Variants in CEP170B observed in about 807,000 individuals in gnomAD.
CEP170B encodes the protein centrosomal protein 170B.
In CEP170B, 55 loss-of-function variants were observed where a neutral mutation model predicts 120.6. The ratio of observed to expected loss-of-function variants is 0.46; its 90% CI spans 0.37 to 0.57. The LOEUF is 0.57. CEP170B is among the 20% of genes least tolerant of loss of function. The pLI, the probability that CEP170B is intolerant of heterozygous loss-of-function variation, is 0.00. For synonymous variants in CEP170B, 1,033 were observed against 954.5 expected, an observed-to-expected ratio of 1.08 and a Z score of -1.52; for missense variants, 2,212 against 2,253.3, an observed-to-expected ratio of 0.98 and a Z score of 0.37.
In CEP170B at chr14:104,884,515, C is replaced by G. The variant is rs201146556; in HGVS notation, c.1736C>G (p.Thr579Arg). Residue 579 changes from threonine to arginine, a missense_variant, in exon 9 of 19, where the codon ACG (threonine) becomes AGG (arginine). Coordinates refer to ENST00000414716, the MANE Select transcript of CEP170B (RefSeq NM_001112726.3). ...TYTIETEAQD[T>R]EVEEARKMID... ...ACCATCGAGACCGAGGCGCAGGACA[C>G]GGAGGTGGAGGAGGCCCGGAAGATG... 1 of 1,564,324 alleles carries G rather than the reference C, an allele frequency of 6.4e-7. No individual in the cohort carries two copies. The highest frequency in any genetic ancestry group is 1.2e-5 in the South Asian group (1 of 84,854).
chr14:104,884,000 G>C lies in CEP170B; in HGVS notation c.1221G>C (p.Glu407Asp). 6.2e-7 allele frequency: 1 copy of C among 1,610,962 alleles called. No homozygotes were observed. Among genetic ancestry groups the C allele is most frequent in the South Asian group, 1.1e-5 (1 of 90,804 alleles). ...LLHNQQAFVI[E>D]FFDEDTPRKK... ...ATAACCAGCAGGCCTTTGTCATCGA[G>C]TTCTTCGACGAGGACACACCCCGAA... Residue 407 changes from glutamate to aspartate, a missense_variant, in exon 9 of 19, where the codon GAG becomes GAC. This residue lies in a region of CEP170B where 2,166 missense variants were observed against 2,166.7 expected (regional missense o/e 1.00). Transcript: ENST00000414716.
chr14:104,885,618 C>T (rs775974302), intron 10 of CEP170B, 76 bp downstream of exon 10: 12 of 1,487,428 alleles, frequency 8.1e-6, no homozygotes, highest in African/African-American at 1.4e-5. Flanking sequence ...CTGGGGTCAG[C>T]GGGCCCCCCA....
rs371162524 is a variant in CEP170B at position 104,887,358 on chromosome 14, C to T, written c.3119C>T (p.Ser1040Phe). ...AIRRGHRPRG[S>F]LDWPSEERGP... The stretch of plus-strand genomic sequence containing the variant: ...AGGCGTGGCCACAGGCCCCGAGGGT[C>T]CCTGGATTGGCCCAGTGAGGAGCGT... The change falls in exon 12 of 19, where the codon TCC (serine) becomes TTC (phenylalanine). Residue 1040 changes from serine to phenylalanine, a missense_variant. Ser to Phe is a radical substitution (Grantham distance 155). This residue lies in a region of CEP170B where 2,166 missense variants were observed against 2,166.7 expected (regional missense o/e 1.00). Transcript: ENST00000414716. 137 of 1,611,834 alleles carry T rather than the reference C, an allele frequency of 8.5e-5. No individual in the cohort carries two copies. The highest frequency in any genetic ancestry group is 1.1e-4 in the Non-Finnish European group (134 of 1,179,600).
intron 2 of CEP170B, among the ~76,000 whole-genome samples, chr14:104,869,449 C>T (rs1448847668): frequency 1.3e-5 from 2 of 152,208 alleles, no homozygotes; most frequent in Admixed American, 6.5e-5. Flanking sequence ...GGTGGGCAGG[C>T]CTCAGGCTGT....
chr14:104,877,831 CAGCCA>C, intron 3 of CEP170B, 49 bp from the exon 4 acceptor site: 1 of 534,822 alleles, frequency 1.9e-6, no homozygotes, highest in East Asian at 4.3e-5. Context: ...GCCCTGCCCA[CAGCCA>C]CCCACCCGCG....
chr14:104,880,474 G>A, intron 6 of CEP170B, 49 bp downstream of exon 6: 2 of 1,589,852 alleles, frequency 1.3e-6, no homozygotes, highest in Non-Finnish European at 8.5e-7. Context: ...CCACTGCCAG[G>A]CCCTCTGCCC....
rs377440122 is a variant in CEP170B at position 104,874,519 on chromosome 14, G to A, written c.106-1737G>A. ...TGGTTTCTGGGAAACCACGGGCTGT[G>A]TCTGGGCAGGCAGCTCAGGGATGGC... On this transcript the variant is annotated intron_variant, in intron 2 of 18. Coordinates refer to ENST00000414716, the MANE Select transcript of CEP170B (RefSeq NM_001112726.3). Among the ~76,000 whole-genome samples the A allele has an allele frequency of 3.7e-4, 57 of 152,224 alleles. 4 individuals carry two copies. The highest frequency in any genetic ancestry group is 3.1e-3 in the East Asian group (16 of 5,158).
In CEP170B at chr14:104,894,393, C is replaced by A. The variant is rs769590837; in HGVS notation, c.4365+15C>A. ...CATCTAACAAGGTGAGCGCTGGGGC[C>A]CCGTGCCCCTTGGCCTGCCCCCAGC... On this transcript the variant is annotated intron_variant, in intron 17 of 18. Transcript: ENST00000414716. The A allele has an allele frequency of 6.2e-7, 1 of 1,611,594 alleles. No homozygotes were observed. The highest frequency in any genetic ancestry group is 1.1e-5 in the South Asian group (1 of 91,036).
At position 104,895,489 on chromosome 14, in the gene CEP170B, G is replaced by T. The variant is rs1286803431; in HGVS notation, c.*531G>T. On this transcript the variant is annotated 3_prime_UTR_variant, in exon 19 of 19. Coordinates refer to ENST00000414716, the MANE Select transcript of CEP170B (RefSeq NM_001112726.3). ...GACTGTCTGAGATGGCAGGGCACTT[G>T]CCCTGGTGGCTCCCACCTGACCCCA... 6.5e-6 allele frequency: 1 copy of T among 152,862 alleles called. No individual in the cohort carries two copies. The highest frequency in any genetic ancestry group is 1.5e-5 in the Non-Finnish European group (1 of 68,282). The allele number at this position is 152,862 out of a possible 1,614,324, so 9.5% of individuals were successfully genotyped here.
intron 2 of CEP170B, among the ~76,000 whole-genome samples, chr14:104,873,182 C>CG (rs1347053293): frequency 6.8e-6 from 1 of 147,294 alleles, no homozygotes; most frequent in Non-Finnish European, 1.5e-5. Context: ...AAGCCCTGGC[C>CG]GGGGGTGGAG....
Position 104,880,375 on chromosome 14 carries a change from G to T in CEP170B, c.422G>T (p.Cys141Phe), listed in dbSNP as rs777018790. The T allele has an allele frequency of 1.9e-6, 3 of 1,612,640 alleles. No homozygotes were observed. In the South Asian group the frequency reaches 3.3e-5, roughly 18 times the overall value. Reference protein sequence around the residue: ...SEALPEHTPYCEASNPRPEKG... With the variant: ...SEALPEHTPYFEASNPRPEKG... ...GCACTGCCGGAACACACACCATACT[G>T]CGAGGCCTCGAACCCCAGGCCGGAG... The change falls in exon 6 of 19, where the codon TGC becomes TTC. Residue 141 changes from cysteine to phenylalanine, a missense_variant. Cys to Phe is a radical substitution (Grantham distance 205, BLOSUM62 -2). This residue lies in a region of CEP170B where 2,166 missense variants were observed against 2,166.7 expected (regional missense o/e 1.00). Transcript: ENST00000414716.
intron 12 of CEP170B, 47 bp downstream of exon 12, chr14:104,888,025 A>C (rs1214302334): frequency 1.4e-6 from 2 of 1,441,654 alleles, no homozygotes; most frequent in African/African-American, 2.8e-5. Flanking sequence ...CAGGGCTGCC[A>C]GTGGGTCTGC....
chr14:104,889,880 G>C (rs902348364), intron 13 of CEP170B, 122 bp downstream of exon 13: 2 of 954,246 alleles, frequency 2.1e-6, no homozygotes, highest in Non-Finnish European at 3.1e-6. Flanking sequence ...TACGGCAGAT[G>C]GCTGGCTGGC....
chr14:104,872,403 G>A (rs1470281587), intron 2 of CEP170B, among the ~76,000 whole-genome samples: 2 of 74,018 alleles, frequency 2.7e-5, no homozygotes, highest in South Asian at 6.1e-4. Flanking sequence ...GTGGGTGTGC[G>A]TGGGTGTGCC....
chr14:104,886,478 C>A lies in CEP170B; in HGVS notation c.2239C>A (p.Leu747Ile). The change falls in exon 12 of 19, where the codon CTC becomes ATC. Residue 747 changes from leucine to isoleucine, a missense_variant. This residue lies in a region of CEP170B where 2,166 missense variants were observed against 2,166.7 expected (regional missense o/e 1.00). Transcript: ENST00000414716. ...CCAGGAGGAGTTGGATCCTGACAGC[C>A]TCAGCGATGCCAGTGGGTCGGACGG... ...FGQEELDPDSLSDASGSDGGR... is the reference protein window; with the variant it reads ...FGQEELDPDSISDASGSDGGR... The A allele has an allele frequency of 1.3e-6, 2 of 1,545,230 alleles. No homozygotes were observed. Among genetic ancestry groups the A allele is most frequent in the Non-Finnish European group, 1.7e-6 (2 of 1,148,314 alleles).
intron 17 of CEP170B, 61 bp downstream of exon 17, chr14:104,894,439 G>A: frequency 6.2e-7 from 1 of 1,606,580 alleles, no homozygotes; most frequent in Non-Finnish European, 8.5e-7. Context: ...TTGCCTGGCT[G>A]GCCCCAAACC....
intron 6 of CEP170B, 119 bp from the exon 7 acceptor site, chr14:104,882,609 A>C: frequency 1.4e-6 from 1 of 736,938 alleles, no homozygotes; most frequent in Non-Finnish European, 2.2e-6. Context: ...CACAGGGCCA[A>C]GCTGGGAGGT....
rs368570320 is a variant in CEP170B at position 104,878,425 on chromosome 14, G to A, written c.275-18G>A. ...CTCCTGGCTCTTCTGCTCTGTGTTC[G>A]CCTTAACACGTGTCCACATTCCAAC... On this transcript the variant is annotated intron_variant, in intron 4 of 18. Coordinates refer to ENST00000414716, the MANE Select transcript of CEP170B (RefSeq NM_001112726.3). The A allele has an allele frequency of 1.9e-5, 30 of 1,612,014 alleles. No individual in the cohort carries two copies. In the African/African-American group the frequency reaches 3.5e-4, roughly 19 times the overall value.
intron 2 of CEP170B, among the ~76,000 whole-genome samples, chr14:104,873,195 T>C (rs927174169): frequency 1.3e-5 from 2 of 150,342 alleles, no homozygotes; most frequent in Non-Finnish European, 3.0e-5. Flanking sequence ...GGGTGGAGGC[T>C]CAGTCCTGGG....
Sources: gnomAD v4.1 joint callset for allele counts (sites outside exome capture counted in the v4.1 genomes callset) on GRCh38, gnomAD v4.1.1 for gene constraint, gnomAD v4.1.1 regional missense constraint, MANE v1.5 for transcripts, NCBI Gene and HGNC (gene_info 2026-07-23, HGNC 2026-07-21) for gene names.